Variants in SDCCAG8 observed in about 807,000 individuals in gnomAD.
SDCCAG8 encodes SHH signaling and ciliogenesis regulator SDCCAG8, also known as serologically defined colon cancer antigen 8.
In SDCCAG8, 74 loss-of-function variants were observed where a neutral mutation model predicts 101.8. That is an observed-to-expected ratio of 0.73 (90% CI 0.60 to 0.88). The LOEUF is 0.88. Ranked by LOEUF, SDCCAG8 falls within the 40% of genes least tolerant of loss-of-function variation. The pLI is 0.00. For synonymous variants in SDCCAG8, 281 were observed against 292.9 expected, an observed-to-expected ratio of 0.96 and a Z score of 0.41; for missense variants, 787 against 822.6, an observed-to-expected ratio of 0.96 and a Z score of 0.53.
chr1:243,386,473 A>G (rs566358761), intron 13 of SDCCAG8, among the ~76,000 whole-genome samples: 22 of 152,210 alleles, frequency 1.4e-4, no homozygotes, highest in Non-Finnish European at 1.9e-4. Flanking sequence ...AGGCTAAGGC[A>G]GGCAGATCGC....
At chr1:243,481,994 A>G (rs189478217) in intron 16 of SDCCAG8, among the ~76,000 whole-genome samples, 2 of 152,226 alleles carry the variant, frequency 1.3e-5, no homozygotes, top group African/African-American at 4.8e-5. Context: ...TGCTAGGTTC[A>G]CAAGTGTTCA....
intron 17 of SDCCAG8, among the ~76,000 whole-genome samples, chr1:243,492,295 CTTT>C (rs33950392): frequency 9.8e-4 from 62 of 63,120 alleles, no homozygotes; most frequent in Non-Finnish European, 1.5e-3. Context: ...CGTTTCTTGG[CTTT>C]TTTTTTTTTT....
intron 1 of SDCCAG8, among the ~76,000 whole-genome samples, chr1:243,261,282 G>A (rs908892115): frequency 1.3e-5 from 2 of 151,900 alleles, no homozygotes; most frequent in African/African-American, 4.8e-5. Context: ...ACCACTCTCT[G>A]ACCCTTTGAT....
intron 10 of SDCCAG8, among the ~76,000 whole-genome samples, chr1:243,335,028 G>A (rs1471368570): frequency 6.6e-6 from 1 of 152,132 alleles, no homozygotes; most frequent in African/African-American, 2.4e-5. Flanking sequence ...TCCCTTGCAT[G>A]TAACATCCTC....
Position 243,378,812 on chromosome 1 carries a change from T to G in SDCCAG8, c.1565T>G (p.Leu522Arg). The change falls in exon 13 of 18, where the codon CTG (leucine) becomes CGG (arginine). Residue 522 changes from leucine to arginine, a missense_variant. Transcript: ENST00000366541. ...GCAGCCCTGGCCAGAGAGGAGTGCCTGAGACTAACAGAACTGCTGGGCGAA... is the reference window on the plus strand; with the variant it reads ...GCAGCCCTGGCCAGAGAGGAGTGCCGGAGACTAACAGAACTGCTGGGCGAA... ...QKAALAREECLRLTELLGESE... is the reference protein window; with the variant it reads ...QKAALAREECRRLTELLGESE... The G allele has an allele frequency of 6.2e-7, 1 of 1,614,106 alleles. No individual in the cohort carries two copies. The highest frequency in any genetic ancestry group is 8.5e-7 in the Non-Finnish European group (1 of 1,179,986).
At chr1:243,480,252 G>A (rs1228897355) in intron 16 of SDCCAG8, among the ~76,000 whole-genome samples, 1 of 150,122 alleles carries the variant, frequency 6.7e-6, no homozygotes, top group Non-Finnish European at 1.5e-5. Context: ...GTGAAGTGCT[G>A]GCAGCTGGAC....
chr1:243,452,414 CTTTTTTTTT>C (rs71574667), intron 16 of SDCCAG8, among the ~76,000 whole-genome samples: 8 of 66,654 alleles, frequency 1.2e-4, no homozygotes, highest in Non-Finnish European at 2.1e-4. Flanking sequence ...GATCTCATCT[CTTTTTTTTT>C]TTTTTTTTTT....
intron 16 of SDCCAG8, among the ~76,000 whole-genome samples, chr1:243,467,470 A>T (rs1660371878): frequency 6.6e-6 from 1 of 152,218 alleles, no homozygotes; most frequent in African/African-American, 2.4e-5. Flanking sequence ...ATACAAGAGG[A>T]GAGTTCACAA....
At chr1:243,495,797 C>T (rs1383462183) in intron 17 of SDCCAG8, among the ~76,000 whole-genome samples, 4 of 152,178 alleles carry the variant, frequency 2.6e-5, no homozygotes, top group South Asian at 2.1e-4. Flanking sequence ...CCAGAGCTCA[C>T]GTGGCTTATT....
At chr1:243,256,542 C>T (rs1316655625) in intron 1 of SDCCAG8, among the ~76,000 whole-genome samples, 1 of 152,224 alleles carries the variant, frequency 6.6e-6, no homozygotes, top group African/African-American at 2.4e-5. Context: ...TTGTTCAGTT[C>T]CCATACGTTG....
chr1:243,361,019 T>G (rs1317823041), intron 12 of SDCCAG8, among the ~76,000 whole-genome samples: 1 of 152,130 alleles, frequency 6.6e-6, no homozygotes, highest in Admixed American at 6.5e-5. Context: ...TGTCTGGAAC[T>G]TGGTCATTTT....
intron 6 of SDCCAG8, among the ~76,000 whole-genome samples, chr1:243,297,664 A>G (rs1204279280): frequency 6.6e-6 from 1 of 152,138 alleles, no homozygotes; most frequent in Non-Finnish European, 1.5e-5. Flanking sequence ...TGTGATTTTC[A>G]TTTGCATTTC....
At chr1:243,433,767 G>T (rs1163797722) in intron 16 of SDCCAG8, among the ~76,000 whole-genome samples, 1 of 152,162 alleles carries the variant, frequency 6.6e-6, no homozygotes, top group Admixed American at 6.5e-5. Flanking sequence ...AGCTCCCTGG[G>T]TAGTGATGAC....
chr1:243,357,708 T>C (rs892375612), intron 12 of SDCCAG8, among the ~76,000 whole-genome samples: 1 of 152,226 alleles, frequency 6.6e-6, no homozygotes. Context: ...ACAACTCTTA[T>C]AGTTTGGTGA....
At chr1:243,349,199 A>G (rs984977145) in intron 12 of SDCCAG8, among the ~76,000 whole-genome samples, 2 of 152,218 alleles carry the variant, frequency 1.3e-5, no homozygotes, top group East Asian at 1.9e-4. Context: ...ATATATGTGT[A>G]TATATCCCCA....
At chr1:243,483,859 C>T (rs1427508636) in intron 16 of SDCCAG8, among the ~76,000 whole-genome samples, 1 of 152,248 alleles carries the variant, frequency 6.6e-6, no homozygotes, top group East Asian at 1.9e-4. Context: ...GCCCTTCCCT[C>T]TCACTGCAGA....
intron 16 of SDCCAG8, among the ~76,000 whole-genome samples, chr1:243,462,852 A>C (rs1456344363): frequency 6.6e-6 from 1 of 150,512 alleles, no homozygotes; most frequent in Non-Finnish European, 1.5e-5. Context: ...TTGGCAAAAA[A>C]CAAAACAAAA....
chr1:243,349,057 A>C (rs2075932027), intron 12 of SDCCAG8, among the ~76,000 whole-genome samples: 1 of 152,184 alleles, frequency 6.6e-6, no homozygotes, highest in Admixed American at 6.5e-5. Flanking sequence ...AATAATTTCA[A>C]GACATTGACC....
intron 2 of SDCCAG8, 127 bp from the exon 3 acceptor site, chr1:243,270,851 C>T (rs1490864335): frequency 2.8e-6 from 2 of 720,430 alleles, no homozygotes; most frequent in African/African-American, 1.8e-5. Flanking sequence ...GTCTTGTATC[C>T]CCAGTTGATA....
Sources: allele counts gnomAD v4.1 joint callset (sites outside exome capture counted in the v4.1 genomes callset), GRCh38; gene constraint gnomAD v4.1.1; transcripts MANE v1.5; gene names NCBI Gene and HGNC (gene_info 2026-07-23, HGNC 2026-07-21).